The following WWC2 variants were observed in gnomAD, a reference collection of about 807,000 sequenced individuals.
WWC2 encodes WW and C2 domain containing 2, also known as protein WWC2.
Under a neutral mutation model 138.5 loss-of-function variants are expected in WWC2, and 101 were observed. The ratio of observed to expected loss-of-function variants is 0.73; its 90% CI spans 0.62 to 0.86. The LOEUF is 0.86. Ranked by LOEUF, WWC2 falls within the 40% of genes least tolerant of loss-of-function variation. The probability of loss-of-function intolerance (pLI) is 0.00; values close to 1 mark genes in which losing one functional copy is unlikely to be tolerated. For synonymous variants in WWC2, 558 were observed against 538.4 expected (o/e 1.04, Z -0.50); for missense variants, 1,420 against 1,419.4 (o/e 1.00, Z -0.01).
intron 1 of WWC2, among the ~76,000 whole-genome samples, chr4:183,133,015 TC>T (rs1268839589): frequency 6.6e-6 from 1 of 151,964 alleles, no homozygotes; most frequent in Non-Finnish European, 1.5e-5. Flanking sequence ...CTTTTCTTTT[TC>T]CCTTCCCTTT....
intron 1 of WWC2, among the ~76,000 whole-genome samples, chr4:183,166,932 G>A (rs1323203071): frequency 1.3e-5 from 2 of 152,188 alleles, no homozygotes; most frequent in Admixed American, 6.5e-5. Flanking sequence ...TGGAAGCACA[G>A]AGTTCTGTAG....
Position 183,128,288 on chromosome 4 carries a change from A to G in WWC2, c.131+28666A>G, listed in dbSNP as rs144317837. ...TGGAAGGCAGAGGTTACAGTGAGCCAAGACCGTGCCATTGCACTCCAGCCT... is the reference window on the plus strand; with the variant it reads ...TGGAAGGCAGAGGTTACAGTGAGCCGAGACCGTGCCATTGCACTCCAGCCT... On this transcript the variant is annotated intron_variant, in intron 1 of 22. Coordinates refer to ENST00000403733, the MANE Select transcript of WWC2 (RefSeq NM_024949.6). 1.3e-3 allele frequency among the ~76,000 whole-genome samples: 196 copies of G among 152,276 alleles called. 1 individual carries two copies. The highest frequency in any genetic ancestry group is 4.4e-3 in the African/African-American group (184 of 41,562).
At chr4:183,247,583 T>TAC (rs1403075065) in intron 6 of WWC2, among the ~76,000 whole-genome samples, 2 of 140,494 alleles carry the variant, frequency 1.4e-5, no homozygotes, top group African/African-American at 5.4e-5. Context: ...ATATACTATA[T>TAC]ACTATATATA....
At chr4:183,219,604 C>G (rs1224440730) in intron 4 of WWC2, among the ~76,000 whole-genome samples, 1 of 151,938 alleles carries the variant, frequency 6.6e-6, no homozygotes, top group African/African-American at 2.4e-5. Flanking sequence ...TATTTAAAAG[C>G]AAAATATAAG....
intron 1 of WWC2, among the ~76,000 whole-genome samples, chr4:183,159,713 CTTTTT>C (rs5741942): frequency 3.3e-3 from 475 of 142,094 alleles, no homozygotes; most frequent in East Asian, 0.016. Context: ...CTGAACTTAC[CTTTTT>C]TTTTTTTTTT....
intron 20 of WWC2, 112 bp downstream of exon 20, chr4:183,286,171 C>A: frequency 2.0e-6 from 2 of 1,022,888 alleles, no homozygotes; most frequent in Non-Finnish European, 1.5e-6. Context: ...ATGCGCTTGG[C>A]CTACTGAATG....
intron 1 of WWC2, among the ~76,000 whole-genome samples, chr4:183,135,926 T>C (rs1442119883): frequency 6.6e-6 from 1 of 152,284 alleles, no homozygotes; most frequent in Admixed American, 6.5e-5. Flanking sequence ...CAGCTAACAG[T>C]ATGTTATTCC....
rs780939979 is a variant in WWC2, at chr4:183,261,027, A to G, written c.1404A>G (p.Glu468=). The G allele has an allele frequency of 6.2e-7, 1 of 1,613,868 alleles. No homozygotes were observed. The highest frequency in any genetic ancestry group is 1.1e-5 in the South Asian group (1 of 91,072). The change falls in exon 11 of 23, where the codon GAA becomes GAG. Residue 468 remains glutamate, a synonymous_variant. Coordinates refer to ENST00000403733, the MANE Select transcript of WWC2 (RefSeq NM_024949.6). ...RGSLNSLSST[E]LYYSSQSDQI... is the part of the protein sequence containing the mutation. ...CACTCAACTCCCTCAGTTCCACCGA[A>G]CTCTATTACAGCAGTCAAAGTGATC...
chr4:183,203,172 A>G (rs1434605469), intron 2 of WWC2, among the ~76,000 whole-genome samples: 2 of 141,370 alleles, frequency 1.4e-5, no homozygotes, highest in Non-Finnish European at 3.1e-5. Flanking sequence ...AAAATAATTC[A>G]TTTGCTTTTT....
At chr4:183,177,582 T>TA (rs1734502853) in intron 1 of WWC2, among the ~76,000 whole-genome samples, 1 of 152,156 alleles carries the variant, frequency 6.6e-6, no homozygotes, top group South Asian at 2.1e-4. Flanking sequence ...ACATTATATA[T>TA]AAAAAAGTGA....
At chr4:183,150,644 A>G (rs1733611839) in intron 1 of WWC2, among the ~76,000 whole-genome samples, 1 of 152,056 alleles carries the variant, frequency 6.6e-6, no homozygotes, top group Admixed American at 6.5e-5. Flanking sequence ...CTCGTCATTT[A>G]CATTAAGTAT....
At chr4:183,245,636 G>A in intron 6 of WWC2, 91 bp downstream of exon 6, 1 of 1,381,964 alleles carries the variant, frequency 7.2e-7, no homozygotes, top group South Asian at 1.5e-5. Context: ...CTCAGAGTCT[G>A]GATGACCCTT....
At chr4:183,301,259 A>C (rs976960947) in intron 21 of WWC2, among the ~76,000 whole-genome samples, 2 of 152,212 alleles carry the variant, frequency 1.3e-5, no homozygotes, top group Non-Finnish European at 2.9e-5. Context: ...TTTACTAAAG[A>C]TAGGACTTCA....
rs1321143087 is a variant in WWC2 at position 183,315,769 on chromosome 4, T to C, written c.*40T>C. ...AAATTATTTTTTCATCTGTTCACTT[T>C]CTTAGGGAGGGTAAAAGACTGAAGA... On this transcript the variant is annotated 3_prime_UTR_variant, in exon 23 of 23. Coordinates refer to ENST00000403733, the MANE Select transcript of WWC2 (RefSeq NM_024949.6). The C allele has an allele frequency of 3.9e-6, 6 of 1,537,202 alleles. No individual in the cohort carries two copies. Among genetic ancestry groups the C allele is most frequent in the Non-Finnish European group, 4.5e-6 (5 of 1,120,432 alleles).
intron 21 of WWC2, among the ~76,000 whole-genome samples, chr4:183,294,247 C>CA (rs1386667724): frequency 6.6e-6 from 1 of 151,922 alleles, no homozygotes; most frequent in Non-Finnish European, 1.5e-5. Flanking sequence ...CTAAAATGTA[C>CA]CATAGAGTCA....
chr4:183,278,145 GA>G (rs1267699778), intron 16 of WWC2, among the ~76,000 whole-genome samples: 1 of 152,002 alleles, frequency 6.6e-6, no homozygotes, highest in Non-Finnish European at 1.5e-5. Context: ...ATATTGAATT[GA>G]TTTTTGTATA....
chr4:183,286,728 C>T (rs938363418), intron 20 of WWC2, among the ~76,000 whole-genome samples: 1 of 152,120 alleles, frequency 6.6e-6, no homozygotes, highest in African/African-American at 2.4e-5. Context: ...TCGGTGACTA[C>T]AGAGCACCAC....
At chr4:183,105,877 G>A (rs1165817250) in intron 1 of WWC2, among the ~76,000 whole-genome samples, 12 of 150,290 alleles carry the variant, frequency 8.0e-5, no homozygotes, top group South Asian at 4.2e-4. Flanking sequence ...GTGACAGAAC[G>A]GGACTCTGTC....
chr4:183,284,145 A>G (rs1306920383), intron 18 of WWC2, 81 bp from the exon 19 acceptor site: 2 of 1,536,616 alleles, frequency 1.3e-6, no homozygotes, highest in African/African-American at 2.7e-5. Context: ...GTAACATTAG[A>G]TATTTTTTCT....
Sources: gnomAD v4.1 joint callset for allele counts (sites outside exome capture counted in the v4.1 genomes callset) on GRCh38, gnomAD v4.1.1 for gene constraint, MANE v1.5 for transcripts, NCBI Gene and HGNC (gene_info 2026-07-23, HGNC 2026-07-21) for gene names.